The following IREB2 variants were observed in gnomAD, a reference collection of about 807,000 sequenced individuals.
IREB2 encodes the protein iron-responsive element-binding protein 2.
In IREB2, 39 loss-of-function variants were observed where a neutral mutation model predicts 118.8. That is an observed-to-expected ratio of 0.33 (90% confidence interval 0.25 to 0.43). IREB2 has a LOEUF of 0.43. IREB2 is among the 20% of genes least tolerant of loss of function. The pLI is 1.00. For missense variants in IREB2, 900 were observed against 1,147.3 expected, an observed-to-expected ratio of 0.78 and a Z score of 3.11; for synonymous variants, 372 against 392.2, an observed-to-expected ratio of 0.95 and a Z score of 0.61.
At chr15:78,465,221 A>G in intron 3 of IREB2, 30 bp from the exon 4 acceptor site, 1 of 1,572,290 alleles carries the variant, frequency 6.4e-7, no homozygotes. Context: ...AACAATTTGG[A>G]CTATAATTTG....
At chr15:78,437,484 T>C (rs1012393801), upstream of IREB2, 10 of 152,558 alleles carry the variant, frequency 6.6e-5, no homozygotes, top group African/African-American at 2.2e-4. Flanking sequence ...AGTGGAGTTA[T>C]AGCTGGCCTT....
chr15:78,486,657 G>A (rs955010115), intron 13 of IREB2, among the ~76,000 whole-genome samples: 8 of 152,084 alleles, frequency 5.3e-5, no homozygotes, highest in Non-Finnish European at 1.0e-4. Context: ...CAAAACAATT[G>A]ATGCTAGTTG....
At chr15:78,448,362 C>G (rs1456916809) in intron 2 of IREB2, among the ~76,000 whole-genome samples, 1 of 152,132 alleles carries the variant, frequency 6.6e-6, no homozygotes, top group Non-Finnish European at 1.5e-5. Context: ...CCAGGCTGGT[C>G]TCGAGCTCCT....
intron 20 of IREB2, among the ~76,000 whole-genome samples, chr15:78,495,463 G>A (rs1480330435): frequency 6.6e-6 from 1 of 152,046 alleles, no homozygotes; most frequent in East Asian, 1.9e-4. Context: ...CAGTTACTGG[G>A]CCTTACTATA....
chr15:78,466,255 C>G lies in IREB2; in HGVS notation c.411-16C>G, dbSNP rs1287563648. 1 of 1,548,864 alleles carries G rather than the reference C, an allele frequency of 6.5e-7. No homozygotes were observed. Among genetic ancestry groups the G allele is most frequent in the South Asian group, 1.2e-5 (1 of 84,032 alleles). On this transcript the variant is annotated splice_polypyrimidine_tract_variant and intron_variant, in intron 4 of 21. Transcript: ENST00000258886. The stretch of plus-strand genomic sequence containing the variant: ...CTTTTAAATGGCTTTATTTTGTTTT[C>G]TTTTTGGAATGACAGTGCAATACAG...
chr15:78,448,730 A>G (rs1035427037), intron 2 of IREB2, among the ~76,000 whole-genome samples: 7 of 152,166 alleles, frequency 4.6e-5, no homozygotes, highest in African/African-American at 9.7e-5. Context: ...CCCTGTAGCT[A>G]TGCTGGCTGG....
chr15:78,477,066 A>C (rs2051483960), intron 9 of IREB2, among the ~76,000 whole-genome samples: 1 of 152,190 alleles, frequency 6.6e-6, no homozygotes, highest in Non-Finnish European at 1.5e-5. Context: ...TATGTTAGTT[A>C]ATCAGACAGC....
chr15:78,489,980 CT>C (rs1443030287), intron 16 of IREB2, among the ~76,000 whole-genome samples: 1 of 152,186 alleles, frequency 6.6e-6, no homozygotes, highest in African/African-American at 2.4e-5. Flanking sequence ...AATTCTTTAA[CT>C]TTTTTGGACT....
At chr15:78,478,682 G>C (rs2051517150) in intron 10 of IREB2, among the ~76,000 whole-genome samples, 1 of 152,094 alleles carries the variant, frequency 6.6e-6, no homozygotes, top group Non-Finnish European at 1.5e-5. Flanking sequence ...CTCTAGACTA[G>C]GTAACAGAGT....
At chr15:78,463,553 T>G (rs1182670449) in intron 3 of IREB2, among the ~76,000 whole-genome samples, 1 of 152,200 alleles carries the variant, frequency 6.6e-6, no homozygotes, top group South Asian at 2.1e-4. Flanking sequence ...ACTTAAAAAT[T>G]TTGCCCTTTC....
chr15:78,493,277 A>G (rs1210278254), intron 18 of IREB2, among the ~76,000 whole-genome samples: 1 of 152,208 alleles, frequency 6.6e-6, no homozygotes, highest in Non-Finnish European at 1.5e-5. Flanking sequence ...GACTGGTTCC[A>G]GGACCACCCA....
intron 10 of IREB2, among the ~76,000 whole-genome samples, chr15:78,478,986 A>G (rs1238987888): frequency 6.6e-6 from 1 of 152,216 alleles, no homozygotes; most frequent in Non-Finnish European, 1.5e-5. Flanking sequence ...TCACCAGACT[A>G]GAGTGCAGTG....
At chr15:78,463,471 C>T (rs983773435) in intron 3 of IREB2, among the ~76,000 whole-genome samples, 18 of 151,952 alleles carry the variant, frequency 1.2e-4, no homozygotes, top group African/African-American at 3.9e-4. Flanking sequence ...AAAAATCAGA[C>T]TTCCTAATGG....
chr15:78,439,830 G>C lies in IREB2; in HGVS notation c.55G>C (p.Asp19His). The change falls in exon 2 of 22, where the codon GAC becomes CAC. Residue 19 changes from aspartate to histidine, a missense_variant. Asp to His is a moderately conservative substitution (Grantham distance 81, BLOSUM62 -1). Coordinates refer to ENST00000258886, the MANE Select transcript of IREB2 (RefSeq NM_004136.4). ...TGAGTACCTTATTGAAACATTAAAT[G>C]ACAGTTCACATAAGAAGTTCTTCGA... ...AFEYLIETLN[D>H]SSHKKFFDVS... 1 of 1,597,768 alleles carries C rather than the reference G, an allele frequency of 6.3e-7. No individual in the cohort carries two copies. The highest frequency in any genetic ancestry group is 8.5e-7 in the Non-Finnish European group (1 of 1,172,454).
intron 6 of IREB2, 38 bp downstream of exon 6, chr15:78,470,639 A>G (rs2051359452): frequency 1.0e-6 from 1 of 985,200 alleles, no homozygotes; most frequent in Non-Finnish European, 1.5e-6. Flanking sequence ...ATTGTAATAT[A>G]TAAACTAATG....
chr15:78,459,150 A>G (rs1356713100), intron 2 of IREB2, among the ~76,000 whole-genome samples: 2 of 152,128 alleles, frequency 1.3e-5, no homozygotes. Flanking sequence ...GTAACCCACC[A>G]TGTAATTGTC....
chr15:78,483,376 A>G lies in IREB2; in HGVS notation c.1355A>G (p.Gln452Arg), dbSNP rs1361771086. 1 of 1,609,794 alleles carries G rather than the reference A, an allele frequency of 6.2e-7. No homozygotes were observed. Among genetic ancestry groups the G allele is most frequent in the Admixed American group, 1.7e-5 (1 of 60,018 alleles). ...TCTGTTAGTGGTCCAAAAAGACCTC[A>G]GGATAGAGTTGCTGTGACAGATATG... ...VPSVSGPKRP[Q>R]DRVAVTDMKS... The change falls in exon 11 of 22, where the codon CAG becomes CGG. Residue 452 changes from glutamine to arginine, a missense_variant. Gln to Arg is a conservative substitution (Grantham distance 43). Transcript: ENST00000258886.
intron 1 of IREB2, 52 bp downstream of exon 1, chr15:78,438,408 T>C (rs773390943): frequency 6.4e-7 from 1 of 1,572,272 alleles, no homozygotes; most frequent in South Asian, 1.2e-5. Context: ...GCGCGCTGCC[T>C]AGGCGCCGAA....
In IREB2 at chr15:78,499,147, C is replaced by T. The variant is rs1263138566; in HGVS notation, c.*1004C>T. 6.6e-6 allele frequency: 1 copy of T among 152,100 alleles called. No individual in the cohort carries two copies. The highest frequency in any genetic ancestry group is 2.4e-5 in the African/African-American group (1 of 41,414). 9.4% of individuals were successfully genotyped at this position (152,100 alleles called of 1,614,324 possible). Reference sequence around the variant, plus strand: ...TTTCTTAATTAAATTGATTTCCTGTCATTTTGAATCATTTATCACCTGCGA... The same window carrying T: ...TTTCTTAATTAAATTGATTTCCTGTTATTTTGAATCATTTATCACCTGCGA... On this transcript the variant is annotated 3_prime_UTR_variant, in exon 22 of 22. Coordinates refer to ENST00000258886, the MANE Select transcript of IREB2 (RefSeq NM_004136.4).
Sources: allele counts gnomAD v4.1 joint callset (sites outside exome capture counted in the v4.1 genomes callset), GRCh38; gene constraint gnomAD v4.1.1; transcripts MANE v1.5; gene names NCBI Gene and HGNC (gene_info 2026-07-23, HGNC 2026-07-21).